Variants in HSPA12B observed in about 807,000 individuals in gnomAD.
HSPA12B encodes the protein heat shock protein family A (Hsp70) member 12B.
HSPA12B carries 54 observed loss-of-function variants against 69.3 expected under a neutral mutation model. The ratio of observed to expected loss-of-function variants is 0.78; its 90% CI spans 0.63 to 0.98. The LOEUF (loss-of-function observed/expected upper bound fraction) is 0.98, where lower values mean the gene tolerates loss of function less well. Among genes scored for constraint, HSPA12B ranks in the 50% least tolerant of loss-of-function variants. HSPA12B has a pLI of 0.00. For synonymous variants in HSPA12B, 441 were observed against 436.5 expected (o/e 1.01, Z -0.13); for missense variants, 929 against 999.8 (o/e 0.93, Z 0.96).
At position 3,750,674 on chromosome 20, in the gene HSPA12B, C is replaced by T. The variant is rs887823665; in HGVS notation, c.1302-130C>T. 14 of 1,564,928 alleles carry T rather than the reference C, an allele frequency of 8.9e-6. No homozygotes were observed. In the East Asian group the frequency reaches 1.1e-4, roughly 13 times the overall value. ...CATCCCGCAGGTCCAGTCCTCCAGACACCACGTGCAGTCGGTGCCCAGGCA... is the reference window on the plus strand; with the variant it reads ...CATCCCGCAGGTCCAGTCCTCCAGATACCACGTGCAGTCGGTGCCCAGGCA... On this transcript the variant is annotated intron_variant, in intron 11 of 12. Transcript: ENST00000254963.
chr20:3,742,688 G>A (rs1410269764), intron 4 of HSPA12B, among the ~76,000 whole-genome samples: 1 of 149,144 alleles, frequency 6.7e-6, no homozygotes. Context: ...ATATGCAAAT[G>A]TTTTTTATTT....
At chr20:3,751,169 TTA>T in intron 12 of HSPA12B, 1 of 875,522 alleles carries the variant, frequency 1.1e-6, no homozygotes, top group Non-Finnish European at 1.4e-6. Context: ...TCTCAAAACG[TTA>T]TCACAGGGAT....
chr20:3,742,725 T>C, intron 4 of HSPA12B, among the ~76,000 whole-genome samples: 1 of 149,162 alleles, frequency 6.7e-6, no homozygotes, highest in Non-Finnish European at 1.5e-5. Context: ...TGAGGCGGAG[T>C]CTCACTCTGT....
rs187660398 is a variant in HSPA12B, at chr20:3,750,831, G to A, written c.1329G>A (p.Gln443=). The A allele has an allele frequency of 4.3e-5, 69 of 1,613,924 alleles. No homozygotes were observed. The highest frequency in any genetic ancestry group is 1.6e-4 in the Middle Eastern group (1 of 6,062). Residue 443 remains glutamine (Q), a synonymous_variant, in exon 12 of 13, where the codon CAG becomes CAA. Transcript: ENST00000254963. ...SSVNFVKWSS[Q]GMLRMSCEAM... Reference sequence around the variant, plus strand: ...TGAACTTCGTGAAGTGGTCCTCACAGGGGATGCTCCGAATGTCTTGTGAAG... The same window carrying A: ...TGAACTTCGTGAAGTGGTCCTCACAAGGGATGCTCCGAATGTCTTGTGAAG...
chr20:3,738,250 T>C (rs2088139082), intron 1 of HSPA12B, among the ~76,000 whole-genome samples: 1 of 152,202 alleles, frequency 6.6e-6, no homozygotes, highest in Non-Finnish European at 1.5e-5. Flanking sequence ...TGCCTGATTA[T>C]CTCCTCCATC....
intron 8 of HSPA12B, among the ~76,000 whole-genome samples, chr20:3,748,954 G>A (rs372090425): frequency 5.3e-5 from 8 of 152,118 alleles, no homozygotes; most frequent in African/African-American, 7.2e-5. Flanking sequence ...ACCTGCCTCC[G>A]CTCCTCCAAA....
At chr20:3,741,889 A>G (rs888847221) in intron 3 of HSPA12B, among the ~76,000 whole-genome samples, 13 of 152,026 alleles carry the variant, frequency 8.6e-5, no homozygotes, top group African/African-American at 3.1e-4. Context: ...AGGATAAAAT[A>G]TATACACTGG....
intron 11 of HSPA12B, 83 bp downstream of exon 11, chr20:3,750,310 C>T (rs2088392771): frequency 8.9e-6 from 12 of 1,352,738 alleles, no homozygotes; most frequent in Middle Eastern, 2.3e-4. Flanking sequence ...CCCCAAGGAA[C>T]GGTGGGGGTC....
In HSPA12B at chr20:3,745,198, C is replaced by T. The variant is rs1263899830; in HGVS notation, c.453+110C>T. ...CGTGTGAGGACCGGCCCGATGGAGT[C>T]GTGGCTGAGAGGGGGCGGGGCTAAA... On this transcript the variant is annotated intron_variant, in intron 5 of 12. Coordinates refer to ENST00000254963, the MANE Select transcript of HSPA12B (RefSeq NM_052970.5). The surrounding 1 kb of genome is among the most constrained non-coding windows in gnomAD (Gnocchi z 5.6). 2 of 1,026,856 alleles carry T rather than the reference C, an allele frequency of 1.9e-6. No individual in the cohort carries two copies. Among genetic ancestry groups the T allele is most frequent in the Non-Finnish European group, 2.9e-6 (2 of 697,246 alleles). The allele number at this position is 1,026,856 out of a possible 1,614,324, so 63.6% of individuals were successfully genotyped here.
At chr20:3,746,086 C>T (rs2088297684) in intron 7 of HSPA12B, 55 bp downstream of exon 7, 2 of 1,348,270 alleles carry the variant, frequency 1.5e-6, no homozygotes, top group Non-Finnish European at 2.1e-6. Flanking sequence ...CAGGCCTGTC[C>T]CCATGCTTGC....
In HSPA12B at chr20:3,744,968, G is replaced by T; in HGVS notation, c.333G>T (p.Pro111=). The change falls in exon 5 of 13, where the codon CCG becomes CCT. Residue 111 remains proline (P), a synonymous_variant. Transcript: ENST00000254963. The surrounding 1 kb of genome is among the most constrained non-coding windows in gnomAD (Gnocchi z 4.9). ...QKTPTCLLLT[P]EGAFHSFGYT... The stretch of plus-strand genomic sequence containing the variant: ...CCCCGACCTGCCTGCTGCTGACTCC[G>T]GAGGGCGCCTTCCACAGCTTTGGCT... The T allele has an allele frequency of 6.2e-7, 1 of 1,613,954 alleles. No individual in the cohort carries two copies. Among genetic ancestry groups the T allele is most frequent in the South Asian group, 1.1e-5 (1 of 91,084 alleles).
In HSPA12B at chr20:3,752,767, G is replaced by T. The variant is rs973468324; in HGVS notation, c.*601G>T. On this transcript the variant is annotated 3_prime_UTR_variant, in exon 13 of 13. Transcript: ENST00000254963. ...AGGGCAGTAGATCTCTAATGTGGAGGTGGGAACATTATTGTGGTGGAGGCA... is the reference window on the plus strand; with the variant it reads ...AGGGCAGTAGATCTCTAATGTGGAGTTGGGAACATTATTGTGGTGGAGGCA... 1 of 153,864 alleles carries T rather than the reference G, an allele frequency of 6.5e-6. No homozygotes were observed. Among genetic ancestry groups the T allele is most frequent in the African/African-American group, 2.4e-5 (1 of 41,430 alleles). The allele number at this position is 153,864 out of a possible 1,614,324, so 9.5% of individuals were successfully genotyped here.
Position 3,752,050 on chromosome 20 carries a change from G to A in HSPA12B, c.1945G>A (p.Gly649Ser), listed in dbSNP as rs1316130972. Residue 649 changes from glycine to serine, a missense_variant, in exon 13 of 13, where the codon GGC (glycine) becomes AGC (serine). This residue lies in a region of HSPA12B where 448 missense variants were observed against 448.1 expected (regional missense o/e 1.00). Transcript: ENST00000254963. ...CGQDTAGAPP[G>S]RREIRAAMQF... ...CCAGGACACCGCCGGCGCGCCTCCC[G>A]GCCGCCGCGAGATCCGCGCCGCCAT... is the stretch of plus-strand genomic sequence containing the variant. 6.4e-7 allele frequency: 1 copy of A among 1,551,312 alleles called. No homozygotes were observed. Among genetic ancestry groups the A allele is most frequent in the South Asian group, 1.2e-5 (1 of 86,442 alleles).
Position 3,749,447 on chromosome 20 carries a change from C to T in HSPA12B, c.937+129C>T. On this transcript the variant is annotated intron_variant, in intron 9 of 12. Transcript: ENST00000254963. This position sits in a 1 kb window ranked among gnomAD's most constrained non-coding sequence, Gnocchi z 5.5. ...TCGCTGTACCCAACCTGGCCGTCCC[C>T]TCACAGTCACCCGCACCCCCACCCC... is the stretch of plus-strand genomic sequence containing the variant. 1.2e-6 allele frequency: 1 copy of T among 862,230 alleles called. No individual in the cohort carries two copies. The highest frequency in any genetic ancestry group is 1.8e-6 in the Non-Finnish European group (1 of 549,444). 53.4% of individuals were successfully genotyped at this position (862,230 alleles called of 1,614,324 possible).
intron 12 of HSPA12B, 120 bp from the exon 13 acceptor site, chr20:3,751,391 T>C: frequency 7.4e-7 from 1 of 1,345,224 alleles, no homozygotes; most frequent in South Asian, 2.1e-5. Flanking sequence ...AGTCGCCAGG[T>C]AGGTACAGGC....
intron 1 of HSPA12B, among the ~76,000 whole-genome samples, chr20:3,738,379 A>AT (rs905177614): frequency 6.6e-6 from 1 of 152,216 alleles, no homozygotes. Context: ...AAGTAAAGCC[A>AT]TTTTTTGACA....
chr20:3,748,743 C>T (rs1568478481), intron 8 of HSPA12B, among the ~76,000 whole-genome samples: 1 of 152,088 alleles, frequency 6.6e-6, no homozygotes, highest in South Asian at 2.1e-4. Flanking sequence ...TGCTGGGGTA[C>T]TGACAAAGGA....
chr20:3,746,517 T>C (rs1203116979), intron 7 of HSPA12B, among the ~76,000 whole-genome samples: 1 of 151,790 alleles, frequency 6.6e-6, no homozygotes, highest in Non-Finnish European at 1.5e-5. Context: ...TTAGCCAGGA[T>C]GGTTTCAATC....
In HSPA12B at chr20:3,737,800, C is replaced by T. The variant is rs528650831; in HGVS notation, c.-17-858C>T. Among the ~76,000 whole-genome samples the T allele has an allele frequency of 1.3e-5, 2 of 152,188 alleles. No homozygotes were observed. The highest frequency in any genetic ancestry group is 1.9e-4 in the East Asian group (1 of 5,166). On this transcript the variant is annotated intron_variant, in intron 1 of 12. Coordinates refer to ENST00000254963, the MANE Select transcript of HSPA12B (RefSeq NM_052970.5). The surrounding 1 kb of genome is among the most constrained non-coding windows in gnomAD (Gnocchi z 4.1). ...GGCGGATCACCTGAGGTCAGGAGTT[C>T]GAGAACAGCCTGGCCAACACGGCGA...
Sources: allele counts gnomAD v4.1 joint callset (sites outside exome capture counted in the v4.1 genomes callset), GRCh38; gene constraint gnomAD v4.1.1; regional missense constraint gnomAD v4.1.1; non-coding constraint Gnocchi (gnomAD v3.1); transcripts MANE v1.5; gene names NCBI Gene and HGNC (gene_info 2026-07-23, HGNC 2026-07-21).